DIAPH2: variants seen among roughly 807,000 people sequenced by gnomAD.
DIAPH2 encodes the protein diaphanous related formin 2, also known as protein diaphanous homolog 2.
DIAPH2 carries 35 observed loss-of-function variants against 92.7 expected under a neutral mutation model. The ratio of observed to expected loss-of-function variants is 0.38; its 90% CI spans 0.29 to 0.50. DIAPH2 has a LOEUF of 0.50. Ranked by LOEUF, DIAPH2 falls within the 20% of genes least tolerant of loss-of-function variation. The pLI is 0.94. For missense variants in DIAPH2, 701 were observed against 819.5 expected (o/e 0.86, Z 1.77); for synonymous variants, 301 against 280.4 (o/e 1.07, Z -0.73).
intron 17 of DIAPH2, among the ~76,000 whole-genome samples, chrX:96,986,753 T>C (rs1221720293): frequency 9.0e-6 from 1 of 111,231 alleles, no homozygotes; most frequent in African/African-American, 3.3e-5. Flanking sequence ...CATGTAGAGA[T>C]TGACAATTGG....
chrX:97,192,293 C>CAAAAAAAAAA (rs773665704), intron 22 of DIAPH2, among the ~76,000 whole-genome samples: 23 of 31,846 alleles, frequency 7.2e-4, no homozygotes, highest in East Asian at 4.2e-3. Flanking sequence ...GACTCCGTCT[C>CAAAAAAAAAA]AAAAAAAAAA....
At chrX:97,569,419 A>G (rs1456184287) in intron 26 of DIAPH2, among the ~76,000 whole-genome samples, 1 of 112,169 alleles carries the variant, frequency 8.9e-6, no homozygotes, top group East Asian at 2.8e-4. Flanking sequence ...GTAAATATAT[A>G]TGCATGTGTG....
At chrX:97,483,971 A>G (rs1407324704) in intron 26 of DIAPH2, among the ~76,000 whole-genome samples, 1 of 112,113 alleles carries the variant, frequency 8.9e-6, no homozygotes, top group Non-Finnish European at 1.9e-5. Context: ...ATTTCTGAAA[A>G]TCTTTTAAAA....
intron 16 of DIAPH2, among the ~76,000 whole-genome samples, chrX:96,960,930 G>A (rs1418184114): frequency 1.8e-5 from 2 of 111,606 alleles, no homozygotes; most frequent in Non-Finnish European, 3.8e-5. Context: ...AACAATCCTG[G>A]CATTCATGGG....
At chrX:96,946,412 A>C (rs1185042550) in intron 14 of DIAPH2, among the ~76,000 whole-genome samples, 2 of 111,799 alleles carry the variant, frequency 1.8e-5, no homozygotes, top group Non-Finnish European at 3.8e-5. Context: ...CAGCAAGATA[A>C]TGTGCTTACA....
chrX:97,345,427 T>A (rs1246849244), intron 23 of DIAPH2, among the ~76,000 whole-genome samples: 1 of 111,990 alleles, frequency 8.9e-6, no homozygotes, highest in Non-Finnish European at 1.9e-5. Flanking sequence ...ATGGTCTGAT[T>A]TCCCCATTGA....
At chrX:96,786,052 T>C (rs930134093) in intron 4 of DIAPH2, among the ~76,000 whole-genome samples, 1 of 111,505 alleles carries the variant, frequency 9.0e-6, no homozygotes, top group Non-Finnish European at 1.9e-5. Flanking sequence ...TAGGGTCAAG[T>C]AGAAACTTTC....
rs183129084 is a variant in DIAPH2, at chrX:97,060,376, T to C, written c.2051-12565T>C. Among the ~76,000 whole-genome samples, 142 of 112,638 alleles carry C rather than the reference T, an allele frequency of 1.3e-3. 1 individual carries two copies. The highest frequency in any genetic ancestry group is 4.3e-3 in the African/African-American group (133 of 31,026). On this transcript the variant is annotated intron_variant, in intron 17 of 26. Transcript: ENST00000324765. Reference sequence around the variant, plus strand: ...CTTCTTACCTGGCTATTATCTTCAATAAGTTTCTAGTAAAACCTTCAATTT... The same window carrying C: ...CTTCTTACCTGGCTATTATCTTCAACAAGTTTCTAGTAAAACCTTCAATTT...
intron 23 of DIAPH2, among the ~76,000 whole-genome samples, chrX:97,321,544 A>ATTTTTTTTTTTTTTTTTTTTTT (rs72265655): frequency 2.1e-5 from 1 of 48,412 alleles, no homozygotes; most frequent in Non-Finnish European, 3.7e-5. Context: ...TTGTGTTGTT[A>ATTTTTTTTTTTTTTTTTTTTTT]TTTTTTTTTT....
chrX:97,161,445 G>T (rs1187316009), intron 22 of DIAPH2, among the ~76,000 whole-genome samples: 1 of 109,796 alleles, frequency 9.1e-6, no homozygotes, highest in Admixed American at 9.8e-5. Context: ...CTGTCACCCA[G>T]GCTGGAGTGC....
chrX:97,351,524 G>C (rs1487120628), intron 24 of DIAPH2, among the ~76,000 whole-genome samples: 1 of 112,240 alleles, frequency 8.9e-6, no homozygotes, highest in East Asian at 2.8e-4. Context: ...CATAGAAAAA[G>C]TGACATTAGG....
intron 4 of DIAPH2, among the ~76,000 whole-genome samples, chrX:96,840,120 T>C (rs1036501373): frequency 2.7e-5 from 3 of 112,392 alleles, no homozygotes; most frequent in African/African-American, 9.7e-5. Context: ...TTATTAACTC[T>C]CCATAATATG....
intron 26 of DIAPH2, among the ~76,000 whole-genome samples, chrX:97,459,735 G>A (rs58470443): frequency 2.2e-3 from 246 of 111,603 alleles, no homozygotes; most frequent in African/African-American, 7.7e-3. Flanking sequence ...GAAGTAACTT[G>A]CTCAGTGTAA....
At chrX:97,503,512 T>C (rs1318620923) in intron 26 of DIAPH2, among the ~76,000 whole-genome samples, 4 of 112,031 alleles carry the variant, frequency 3.6e-5, no homozygotes, top group Admixed American at 9.5e-5. Flanking sequence ...CTCCAGGTCA[T>C]GTAGCAAACT....
intron 4 of DIAPH2, among the ~76,000 whole-genome samples, chrX:96,824,315 A>C (rs2147680027): frequency 9.0e-6 from 1 of 110,936 alleles, no homozygotes; most frequent in African/African-American, 3.3e-5. Flanking sequence ...AAGAGCACAC[A>C]TGGGGGAAAT....
chrX:96,979,939 T>C (rs2065984109), intron 17 of DIAPH2, among the ~76,000 whole-genome samples: 1 of 111,324 alleles, frequency 9.0e-6, no homozygotes, highest in Non-Finnish European at 1.9e-5. Context: ...GGAGCACAGC[T>C]GAGTTGGTGC....
At chrX:97,412,981 G>C (rs748065469) in intron 25 of DIAPH2, among the ~76,000 whole-genome samples, 181 of 112,018 alleles carry the variant, frequency 1.6e-3, no homozygotes, top group African/African-American at 5.8e-3. Context: ...GAAGTACAAA[G>C]AGGAGCTGGT....
chrX:97,430,295 A>C (rs748074176), intron 26 of DIAPH2, among the ~76,000 whole-genome samples: 3 of 112,247 alleles, frequency 2.7e-5, no homozygotes, highest in Non-Finnish European at 5.6e-5. Context: ...CACACTATGA[A>C]AATAGATCTC....
intron 4 of DIAPH2, among the ~76,000 whole-genome samples, chrX:96,819,741 C>T (rs1404993942): frequency 8.9e-6 from 1 of 112,373 alleles, no homozygotes; most frequent in Non-Finnish European, 1.9e-5. Context: ...AGCTTTGTTT[C>T]TAATTCAGTA....
Sources: gnomAD v4.1 joint callset for allele counts (sites outside exome capture counted in the v4.1 genomes callset) on GRCh38, gnomAD v4.1.1 for gene constraint, MANE v1.5 for transcripts, NCBI Gene and HGNC (gene_info 2026-07-23, HGNC 2026-07-21) for gene names.